ZNF485: variants seen among roughly 807,000 people sequenced by gnomAD.
ZNF485 encodes zinc finger protein 485, also known as Zinc finger protein 93 (Zinc finger protein HTF34).
In ZNF485, 9 loss-of-function variants were observed where a neutral mutation model predicts 10.8. The observed-to-expected ratio is 0.83, with a 90% CI of 0.50 to 1.45. The LOEUF is 1.45. Among genes scored for constraint, ZNF485 ranks in the 40% most tolerant of loss-of-function variants. The probability of loss-of-function intolerance (pLI) is 0.00; values close to 1 mark genes in which losing one functional copy is unlikely to be tolerated. For synonymous variants in ZNF485, 187 were observed against 181.0 expected (o/e 1.03, Z -0.27); for missense variants, 487 against 528.0 (o/e 0.92, Z 0.76).
chr10:43,608,521 T>G (rs1838699118), intron 2 of ZNF485, 93 bp from the exon 3 acceptor site: 7 of 1,487,138 alleles, frequency 4.7e-6, no homozygotes, highest in Non-Finnish European at 6.3e-6. Flanking sequence ...CTGTTGGAAC[T>G]GTCAGAAGCT....
At chr10:43,612,935 T>C (rs1376949259) in intron 4 of ZNF485, among the ~76,000 whole-genome samples, 1 of 152,174 alleles carries the variant, frequency 6.6e-6, no homozygotes, top group Non-Finnish European at 1.5e-5. Context: ...TGATGTAATA[T>C]AAATATTTAA....
At chr10:43,609,172 C>A in intron 3 of ZNF485, 83 bp from the exon 4 acceptor site, 1 of 1,054,736 alleles carries the variant, frequency 9.5e-7, no homozygotes, top group Non-Finnish European at 1.4e-6. Flanking sequence ...TCTGGAGTGA[C>A]TGCTTGTGCT....
At position 43,616,667 on chromosome 10, in the gene ZNF485, T is replaced by A; in HGVS notation, c.624T>A (p.His208Gln). The A allele has an allele frequency of 6.2e-7, 1 of 1,614,208 alleles. No individual in the cohort carries two copies. ...CGTTTATCAACCATCAGAGAATTCA[T>A]TCTAGGGAGAAACCCCACAAATGCA... ...HSTFINHQRI[H>Q]SREKPHKCIE... is the part of the protein sequence containing the mutation. Residue 208 changes from histidine to glutamine, a missense_variant, in exon 5 of 5, where the codon CAT becomes CAA. Physicochemically the swap from His to Gln is conservative, Grantham distance 24. Coordinates refer to ENST00000361807, the MANE Select transcript of ZNF485 (RefSeq NM_145312.4).
chr10:43,614,591 G>A (rs577259872), intron 4 of ZNF485, among the ~76,000 whole-genome samples: 1 of 152,076 alleles, frequency 6.6e-6, no homozygotes, highest in African/African-American at 2.4e-5. Context: ...ACCGTGCCCA[G>A]CCCAGTTCTT....
At chr10:43,615,883 T>G (rs1240480190) in intron 4 of ZNF485, among the ~76,000 whole-genome samples, 2 of 152,268 alleles carry the variant, frequency 1.3e-5, no homozygotes, top group African/African-American at 4.8e-5. Context: ...GGTGACATCA[T>G]AATGTTCTCA....
In ZNF485 at chr10:43,606,533, G is replaced by A. The variant is rs1838648602; in HGVS notation, c.-68G>A. 6 of 318,502 alleles carry A rather than the reference G, an allele frequency of 1.9e-5. No individual in the cohort carries two copies. The South Asian group carries it at 2.0e-4, about 11-fold the overall frequency. 19.7% of individuals were successfully genotyped at this position (318,502 alleles called of 1,614,324 possible). Reference sequence around the variant, plus strand: ...TCTGGGCGTGCAGCTCCGCAGCCCTGCCGGCTCGGTTCGGTTCGTGAGCGG... The same window carrying A: ...TCTGGGCGTGCAGCTCCGCAGCCCTACCGGCTCGGTTCGGTTCGTGAGCGG... On this transcript the variant is annotated 5_prime_UTR_variant, in exon 1 of 5. Coordinates refer to ENST00000361807, the MANE Select transcript of ZNF485 (RefSeq NM_145312.4).
intron 2 of ZNF485, chr10:43,607,313 A>T (rs191065581): frequency 3.3e-6 from 2 of 601,840 alleles, no homozygotes; most frequent in East Asian, 2.8e-5. Flanking sequence ...CTGGCAGACG[A>T]TGAAAAAAAT....
chr10:43,610,031 T>C (rs1248168100), intron 4 of ZNF485, among the ~76,000 whole-genome samples: 1 of 152,208 alleles, frequency 6.6e-6, no homozygotes, highest in Admixed American at 6.5e-5. Context: ...GGAAGCTTGC[T>C]AACTCACTAT....
intron 3 of ZNF485, 65 bp downstream of exon 3, chr10:43,608,805 G>C: frequency 6.3e-7 from 1 of 1,585,814 alleles, no homozygotes; most frequent in Admixed American, 1.8e-5. Flanking sequence ...TTCACAGGGT[G>C]AATGGTTTGG....
intron 2 of ZNF485, among the ~76,000 whole-genome samples, chr10:43,607,600 A>G (rs569801768): frequency 3.9e-5 from 6 of 152,296 alleles, no homozygotes; most frequent in African/African-American, 1.4e-4. Flanking sequence ...CCTGGAGAAA[A>G]CTAGGTTTTG....
At position 43,617,281 on chromosome 10, in the gene ZNF485, A is replaced by G. The variant is rs758015855; in HGVS notation, c.1238A>G (p.Asn413Ser). ...LHTGEKPYKC[N>S]ECGKAFPRSS... ...ACTGGGGAAAAACCTTATAAATGTA[A>G]TGAATGTGGGAAAGCTTTTCCCCGA... Residue 413 changes from asparagine (N) to serine (S), a missense_variant, in exon 5 of 5, where the codon AAT becomes AGT. Coordinates refer to ENST00000361807, the MANE Select transcript of ZNF485 (RefSeq NM_145312.4). The G allele has an allele frequency of 6.8e-6, 11 of 1,611,290 alleles. No homozygotes were observed. The highest frequency in any genetic ancestry group is 5.5e-5 in the South Asian group (5 of 90,636).
In ZNF485 at chr10:43,617,296, C is replaced by G; in HGVS notation, c.1253C>G (p.Ala418Gly). 6.2e-7 allele frequency: 1 copy of G among 1,604,972 alleles called. No homozygotes were observed. The highest frequency in any genetic ancestry group is 8.5e-7 in the Non-Finnish European group (1 of 1,176,740). ...TATAAATGTAATGAATGTGGGAAAGCTTTTCCCCGAAGTTCAGCCCTTAAG... is the reference window on the plus strand; with the variant it reads ...TATAAATGTAATGAATGTGGGAAAGGTTTTCCCCGAAGTTCAGCCCTTAAG... ...KPYKCNECGK[A>G]FPRSSALKQH... Residue 418 changes from alanine to glycine, a missense_variant, in exon 5 of 5, where the codon GCT becomes GGT. Transcript: ENST00000361807.
Position 43,616,604 on chromosome 10 carries a change from A to G in ZNF485, c.561A>G (p.Arg187=), listed in dbSNP as rs376984514. 5 of 1,614,094 alleles carry G rather than the reference A, an allele frequency of 3.1e-6. No homozygotes were observed. The East Asian group carries it at 1.1e-4, about 36-fold the overall frequency. The change falls in exon 5 of 5, where the codon AGA becomes AGG. Residue 187 remains arginine, a synonymous_variant. Coordinates refer to ENST00000361807, the MANE Select transcript of ZNF485 (RefSeq NM_145312.4). Reference sequence around the variant, plus strand: ...TTCATGCAGGCAAACAGCCTTATAGATGTATTGAATGTGGGAAGTTCCTGA... The same window carrying G: ...TTCATGCAGGCAAACAGCCTTATAGGTGTATTGAATGTGGGAAGTTCCTGA... ...HKVHAGKQPY[R]CIECGKFLKK... is the part of the protein sequence containing the mutation.
intron 2 of ZNF485, among the ~76,000 whole-genome samples, chr10:43,607,980 T>C (rs1367215047): frequency 6.6e-6 from 1 of 152,258 alleles, no homozygotes; most frequent in Non-Finnish European, 1.5e-5. Flanking sequence ...AGAGATGATA[T>C]GTATCTCAGG....
intron 4 of ZNF485, among the ~76,000 whole-genome samples, chr10:43,615,304 T>A (rs1218180106): frequency 6.7e-6 from 1 of 149,136 alleles, no homozygotes; most frequent in East Asian, 2.3e-4. Context: ...TTTCAGAACG[T>A]TTTTGTCTGA....
intron 2 of ZNF485, chr10:43,607,457 T>G: frequency 4.1e-6 from 1 of 245,336 alleles, no homozygotes; most frequent in East Asian, 8.0e-5. Flanking sequence ...TAAATGAGAT[T>G]TGCATAATTG....
Position 43,617,410 on chromosome 10 carries a change from C to G in ZNF485, c.*41C>G. 5.9e-6 allele frequency: 8 copies of G among 1,349,448 alleles called. No individual in the cohort carries two copies. The highest frequency in any genetic ancestry group is 8.1e-6 in the Non-Finnish European group (8 of 990,292). The allele number at this position is 1,349,448 out of a possible 1,614,324, so 83.6% of individuals were successfully genotyped here. ...AGAGTAGTTTATTCCTTCTGACCAT[C>G]ATAGAGGAGACATTAAATAAATTAT... On this transcript the variant is annotated 3_prime_UTR_variant, in exon 5 of 5. Transcript: ENST00000361807.
In ZNF485 at chr10:43,608,463, C is replaced by T. The variant is rs373572354; in HGVS notation, c.25-151C>T. 488 of 998,992 alleles carry T rather than the reference C, an allele frequency of 4.9e-4. 4 individuals carry two copies. In the African/African-American group the frequency reaches 6.8e-3, roughly 14 times the overall value. The allele number at this position is 998,992 out of a possible 1,614,324, so 61.9% of individuals were successfully genotyped here. On this transcript the variant is annotated intron_variant, in intron 2 of 4. Coordinates refer to ENST00000361807, the MANE Select transcript of ZNF485 (RefSeq NM_145312.4). ...GGAAGAACCTGCTCAAGGGAGGAGT[C>T]GCACATCCCCTGAGCCCTCAGCTTT...
intron 4 of ZNF485, among the ~76,000 whole-genome samples, chr10:43,612,166 C>T (rs1838779889): frequency 6.6e-6 from 1 of 152,102 alleles, no homozygotes; most frequent in South Asian, 2.1e-4. Flanking sequence ...AAATATCTGT[C>T]TTTTCCATTT....
Sources: gnomAD v4.1 joint callset for allele counts (sites outside exome capture counted in the v4.1 genomes callset) on GRCh38, gnomAD v4.1.1 for gene constraint, MANE v1.5 for transcripts, NCBI Gene and HGNC (gene_info 2026-07-23, HGNC 2026-07-21) for gene names.